DOT1L: variants seen among roughly 807,000 people sequenced by gnomAD.
The protein encoded by DOT1L is DOT1 like histone lysine methyltransferase.
In DOT1L, 33 loss-of-function variants were observed where a neutral mutation model predicts 153.3. The ratio of observed to expected loss-of-function variants is 0.22; its 90% confidence interval spans 0.16 to 0.29. DOT1L has a LOEUF of 0.29. Ranked by LOEUF, DOT1L falls within the 10% of genes least tolerant of loss-of-function variation. The pLI is 1.00. For synonymous variants in DOT1L, 1,135 were observed against 965.1 expected (o/e 1.18, Z -3.26); for missense variants, 1,847 against 2,119.9 (o/e 0.87, Z 2.53).
At chr19:2,175,982 A>G (rs553775649) in intron 1 of DOT1L, among the ~76,000 whole-genome samples, 4 of 152,144 alleles carry the variant, frequency 2.6e-5, no homozygotes, top group Admixed American at 6.5e-5. Context: ...TGCTCTAGAC[A>G]TGGGCCCTGG....
chr19:2,194,866 G>C lies in DOT1L; in HGVS notation c.651+289G>C, dbSNP rs530726816. 2.0e-5 allele frequency among the ~76,000 whole-genome samples: 3 copies of C among 152,340 alleles called. No individual in the cohort carries two copies. In the South Asian group the frequency reaches 6.2e-4, roughly 32 times the overall value. On this transcript the variant is annotated intron_variant, in intron 7 of 27. Transcript: ENST00000398665. ...GAATGGGCTTGGGGCTCCATGGAGC[G>C]GAGGCCTGTGGGACAGGCTGGGTTC...
At chr19:2,211,318 C>G (rs1337532185) in intron 15 of DOT1L, 106 bp downstream of exon 15, 6 of 992,326 alleles carry the variant, frequency 6.0e-6, no homozygotes, top group Non-Finnish European at 8.8e-6. Flanking sequence ...GACCTCCATG[C>G]TGGACCCCAC....
At chr19:2,221,474 C>A (rs1317712927) in intron 23 of DOT1L, 2 of 157,552 alleles carry the variant, frequency 1.3e-5, no homozygotes, top group African/African-American at 4.8e-5. Flanking sequence ...GGAGGCCGCC[C>A]TTTGTCCCCG....
At chr19:2,199,651 G>A (rs750599661) in intron 7 of DOT1L, among the ~76,000 whole-genome samples, 73 of 152,210 alleles carry the variant, frequency 4.8e-4, no homozygotes, top group Non-Finnish European at 7.6e-4. Flanking sequence ...GGATGCTGGA[G>A]CACGAGGACC....
chr19:2,214,759 G>T, intron 19 of DOT1L, 163 bp downstream of exon 19: 1 of 1,107,840 alleles, frequency 9.0e-7, no homozygotes, highest in Non-Finnish European at 1.2e-6. Flanking sequence ...TTGGGCCGCA[G>T]GCTGCCCGTG....
chr19:2,185,780 A>G, intron 2 of DOT1L, 75 bp from the exon 3 acceptor site: 4 of 1,549,118 alleles, frequency 2.6e-6, no homozygotes, highest in Admixed American at 1.7e-5. Flanking sequence ...AAACAAAAAC[A>G]AAAACAAAAA....
In DOT1L at chr19:2,165,983, G is replaced by A. The variant is rs146301537; in HGVS notation, c.81+1718G>A. On this transcript the variant is annotated intron_variant, in intron 1 of 27. Coordinates refer to ENST00000398665, the MANE Select transcript of DOT1L (RefSeq NM_032482.3). ...GACGGGGTTTCACCGTGTTAGCCAG[G>A]ATGGTCTCGATCTCCTGACTTCGTG... 3.8e-3 allele frequency among the ~76,000 whole-genome samples: 585 copies of A among 152,126 alleles called. 3 individuals are homozygous for A. The highest frequency in any genetic ancestry group is 0.011 in the African/African-American group (471 of 41,508).
chr19:2,197,628 C>A lies in DOT1L; in HGVS notation c.652-2256C>A, dbSNP rs1250262067. On this transcript the variant is annotated intron_variant, in intron 7 of 27. Transcript: ENST00000398665. This position sits in a 1 kb window ranked among gnomAD's most constrained non-coding sequence, Gnocchi z 4.1. ...TGGCACAGGTGCTCCTGGCATGGAG[C>A]TGCGTTCGTGGTCTGGATTCCGTGC... is the stretch of plus-strand genomic sequence containing the variant. 6.6e-6 allele frequency among the ~76,000 whole-genome samples: 1 copy of A among 152,164 alleles called. No homozygotes were observed. The highest frequency in any genetic ancestry group is 2.4e-5 in the African/African-American group (1 of 41,428).
chr19:2,228,516 C>T (rs1286188437), intron 27 of DOT1L: 14 of 1,168,004 alleles, frequency 1.2e-5, no homozygotes, highest in Non-Finnish European at 1.5e-5. Flanking sequence ...CCAGGGAGAC[C>T]AGGGAGATGG....
rs3815145 is a variant in DOT1L at position 2,191,981 on chromosome 19, T to C, written c.493+741T>C. ...ACAGCCTCAGTAGCCTGACGAATTCTTGATAGGACCACCCCATCCAGGCTG... is the reference window on the plus strand; with the variant it reads ...ACAGCCTCAGTAGCCTGACGAATTCCTGATAGGACCACCCCATCCAGGCTG... On this transcript the variant is annotated intron_variant, in intron 5 of 27. Transcript: ENST00000398665. This position sits in a 1 kb window ranked among gnomAD's most constrained non-coding sequence, Gnocchi z 6.8. 0.5 allele frequency among the ~76,000 whole-genome samples: 76,097 copies of C among 152,056 alleles called. 19,189 individuals carry two copies. The highest frequency in any genetic ancestry group is 0.53 in the Middle Eastern group (156 of 294).
In DOT1L at chr19:2,180,724, C is replaced by T. The variant is rs778639340; in HGVS notation, c.93C>T (p.His31=). The T allele has an allele frequency of 7.2e-5, 116 of 1,613,940 alleles. No homozygotes were observed. The highest frequency in any genetic ancestry group is 8.5e-5 in the Non-Finnish European group (100 of 1,180,018). ...PWPLPVYDKH[H]DAAHEIIETI... ...TCTCTCTGTTTCAGGATAAACATCA[C>T]GATGCTGCTCATGAAATCATCGAGA... The change falls in exon 2 of 28, where the codon CAC becomes CAT. Residue 31 remains histidine (H), a synonymous_variant. Transcript: ENST00000398665.
At position 2,220,758 on chromosome 19, in the gene DOT1L, G is replaced by A; in HGVS notation, c.2806+536G>A. On this transcript the variant is annotated intron_variant, in intron 23 of 27. Coordinates refer to ENST00000398665, the MANE Select transcript of DOT1L (RefSeq NM_032482.3). This position sits in a 1 kb window ranked among gnomAD's most constrained non-coding sequence, Gnocchi z 4.5. ...TGGAAGCCGCAGAGACAGCATGTCAGCGGGCATGGCTGTGTGCCAGCAAAA... is the reference window on the plus strand; with the variant it reads ...TGGAAGCCGCAGAGACAGCATGTCAACGGGCATGGCTGTGTGCCAGCAAAA... The A allele has an allele frequency of 2.9e-6, 1 of 349,224 alleles. No homozygotes were observed. The highest frequency in any genetic ancestry group is 5.7e-6 in the Non-Finnish European group (1 of 175,454). The allele number at this position is 349,224 out of a possible 1,614,324, so 21.6% of individuals were successfully genotyped here.
intron 1 of DOT1L, among the ~76,000 whole-genome samples, chr19:2,168,763 C>T (rs1169733718): frequency 1.3e-5 from 2 of 152,026 alleles, no homozygotes; most frequent in Non-Finnish European, 2.9e-5. Context: ...TACAGGCACC[C>T]GCCACCACGC....
At chr19:2,229,341 T>G in intron 27 of DOT1L, 7 of 985,418 alleles carry the variant, frequency 7.1e-6, no homozygotes, top group Non-Finnish European at 8.4e-6. Flanking sequence ...CAGGGGCCCC[T>G]GGGACACAGG....
intron 15 of DOT1L, 44 bp downstream of exon 15, chr19:2,211,256 G>T (rs902301797): frequency 6.6e-7 from 1 of 1,524,266 alleles, no homozygotes; most frequent in African/African-American, 1.4e-5. Context: ...TGGGCTTGGG[G>T]TCATCCCAGG....
intron 2 of DOT1L, among the ~76,000 whole-genome samples, chr19:2,183,921 G>A (rs2022363449): frequency 7.8e-6 from 1 of 128,080 alleles, no homozygotes; most frequent in African/African-American, 2.6e-5. Flanking sequence ...CACCACGCCC[G>A]GCCTTTGGTG....
intron 3 of DOT1L, 62 bp from the exon 4 acceptor site, chr19:2,189,670 C>A: frequency 6.3e-7 from 1 of 1,577,160 alleles, no homozygotes; most frequent in South Asian, 1.1e-5. Context: ...ACATGCTGTC[C>A]CCTCCCATGC....
chr19:2,198,056 A>G (rs2023093133), intron 7 of DOT1L, among the ~76,000 whole-genome samples: 1 of 152,190 alleles, frequency 6.6e-6, no homozygotes, highest in African/African-American at 2.4e-5. Flanking sequence ...TTCAGACTCC[A>G]GAGGGAAGCA....
chr19:2,192,051 T>A (rs2022818380), intron 5 of DOT1L, among the ~76,000 whole-genome samples: 1 of 151,974 alleles, frequency 6.6e-6, no homozygotes, highest in South Asian at 2.1e-4. Context: ...GAAGGCCCCT[T>A]CTCCACAGTG....
Sources: allele counts gnomAD v4.1 joint callset (sites outside exome capture counted in the v4.1 genomes callset), GRCh38; gene constraint gnomAD v4.1.1; non-coding constraint Gnocchi (gnomAD v3.1); transcripts MANE v1.5; gene names NCBI Gene and HGNC (gene_info 2026-07-23, HGNC 2026-07-21).